The following SCCPDH variants were observed in gnomAD, a reference collection of about 807,000 sequenced individuals.
SCCPDH encodes saccharopine dehydrogenase-like oxidoreductase.
SCCPDH carries 34 observed loss-of-function variants against 51.5 expected under a neutral mutation model. That is an observed-to-expected ratio of 0.66 (90% confidence interval 0.50 to 0.88). The LOEUF (loss-of-function observed/expected upper bound fraction) is 0.88, where lower values mean the gene tolerates loss of function less well. SCCPDH is among the 40% of genes least tolerant of loss of function. The pLI, the probability that SCCPDH is intolerant of heterozygous loss-of-function variation, is 0.00. For synonymous variants in SCCPDH, 187 were observed against 191.3 expected (o/e 0.98, Z 0.19); for missense variants, 464 against 527.1 (o/e 0.88, Z 1.17).
At chr1:246,745,045 A>T (rs1000588255) in intron 5 of SCCPDH, among the ~76,000 whole-genome samples, 1 of 152,182 alleles carries the variant, frequency 6.6e-6, no homozygotes, top group African/African-American at 2.4e-5. Flanking sequence ...GGCCAGGAAA[A>T]TTTTCACCTT....
chr1:246,754,847 T>C (rs994850101), intron 5 of SCCPDH, among the ~76,000 whole-genome samples: 2 of 152,246 alleles, frequency 1.3e-5, no homozygotes, highest in Admixed American at 1.3e-4. Flanking sequence ...TTTTTTGGTC[T>C]GTCTAGCCAA....
intron 5 of SCCPDH, among the ~76,000 whole-genome samples, chr1:246,752,306 G>A (rs1389498995): frequency 6.6e-6 from 1 of 152,142 alleles, no homozygotes. Context: ...GTGCAGATGA[G>A]GTCTGGCTTC....
intron 1 of SCCPDH, among the ~76,000 whole-genome samples, chr1:246,724,900 C>T (rs1209649906): frequency 6.6e-6 from 1 of 152,138 alleles, no homozygotes; most frequent in African/African-American, 2.4e-5. Flanking sequence ...GGGAGCTCCC[C>T]TGGCGAAATG....
At chr1:246,739,463 G>A (rs1376169255) in intron 3 of SCCPDH, among the ~76,000 whole-genome samples, 1 of 152,154 alleles carries the variant, frequency 6.6e-6, no homozygotes, top group African/African-American at 2.4e-5. Context: ...GCCAAAAGAA[G>A]CCGAAGGAGA....
At chr1:246,758,557 T>A (rs1054034797) in intron 6 of SCCPDH, among the ~76,000 whole-genome samples, 3 of 152,192 alleles carry the variant, frequency 2.0e-5, no homozygotes, top group Non-Finnish European at 4.4e-5. Flanking sequence ...TCCATTACCA[T>A]AAGCTTAAGA....
rs545363439 is a variant in SCCPDH, at chr1:246,767,790, T to G, written c.*490T>G. 1 of 152,372 alleles carries G rather than the reference T, an allele frequency of 6.6e-6. No homozygotes were observed. Among genetic ancestry groups the G allele is most frequent in the East Asian group, 1.9e-4 (1 of 5,192 alleles). The allele number at this position is 152,372 out of a possible 1,614,324, so 9.4% of individuals were successfully genotyped here. ...AGTTTTTCGCCAATCTACACTGATT[T>G]TGGACTGTTACCTAAGTTGAAAAAT... On this transcript the variant is annotated 3_prime_UTR_variant, in exon 12 of 12. Transcript: ENST00000366510.
At chr1:246,724,644 G>A in intron 1 of SCCPDH, 32 bp downstream of exon 1, 2 of 1,429,930 alleles carry the variant, frequency 1.4e-6, no homozygotes, top group Non-Finnish European at 1.8e-6. Flanking sequence ...GGGCTGCGCG[G>A]GCGGCTGGGC....
chr1:246,727,294 A>G (rs2102978860), intron 2 of SCCPDH, among the ~76,000 whole-genome samples: 1 of 152,324 alleles, frequency 6.6e-6, no homozygotes, highest in East Asian at 1.9e-4. Context: ...CCCCTTCGGT[A>G]AAAAATGTTT....
intron 1 of SCCPDH, among the ~76,000 whole-genome samples, chr1:246,725,481 A>G (rs958257812): frequency 1.4e-5 from 2 of 145,736 alleles, no homozygotes; most frequent in Non-Finnish European, 3.0e-5. Flanking sequence ...AAATTTGGCT[A>G]TTAACTCCCG....
chr1:246,748,983 A>G (rs113123662), intron 5 of SCCPDH, among the ~76,000 whole-genome samples: 136 of 152,336 alleles, frequency 8.9e-4, no homozygotes, highest in Middle Eastern at 3.4e-3. Flanking sequence ...TCTCCAAGGA[A>G]TGCTAACTTT....
intron 2 of SCCPDH, 42 bp downstream of exon 2, chr1:246,727,046 T>C (rs1382124760): frequency 7.9e-6 from 11 of 1,386,552 alleles, no homozygotes; most frequent in Non-Finnish European, 1.0e-5. Context: ...AAACAATCCA[T>C]TCATTTCTAG....
At chr1:246,753,001 C>G (rs1467587885) in intron 5 of SCCPDH, among the ~76,000 whole-genome samples, 1 of 151,908 alleles carries the variant, frequency 6.6e-6, no homozygotes, top group Non-Finnish European at 1.5e-5. Context: ...CTCTCTGTCT[C>G]TTTCTCTCTC....
intron 7 of SCCPDH, 138 bp downstream of exon 7, chr1:246,759,289 A>G (rs995668391): frequency 1.8e-5 from 11 of 617,478 alleles, no homozygotes; most frequent in South Asian, 3.9e-5. Flanking sequence ...AATACACAGA[A>G]TCATTAGGGT....
At chr1:246,749,185 C>T (rs535330538) in intron 5 of SCCPDH, among the ~76,000 whole-genome samples, 1 of 152,290 alleles carries the variant, frequency 6.6e-6, no homozygotes, top group Admixed American at 6.5e-5. Flanking sequence ...AGAGAACCAC[C>T]CAGGTGGAAA....
At chr1:246,760,563 C>G (rs963946328) in intron 9 of SCCPDH, among the ~76,000 whole-genome samples, 1 of 152,228 alleles carries the variant, frequency 6.6e-6, no homozygotes, top group African/African-American at 2.4e-5. Context: ...CTCCATTTTT[C>G]TCCTCTGTTA....
At chr1:246,760,338 T>C in intron 9 of SCCPDH, 111 bp downstream of exon 9, 1 of 878,002 alleles carries the variant, frequency 1.1e-6, no homozygotes, top group Non-Finnish European at 1.8e-6. Context: ...AAGTTCTTTA[T>C]GTAAATTAGA....
At chr1:246,763,650 TC>T (rs959517365) in intron 9 of SCCPDH, among the ~76,000 whole-genome samples, 27 of 151,838 alleles carry the variant, frequency 1.8e-4, no homozygotes, top group Admixed American at 6.6e-5. Context: ...TATCTCTCTC[TC>T]CCCCCCTTTC....
chr1:246,762,345 G>A (rs1180917989), intron 9 of SCCPDH, among the ~76,000 whole-genome samples: 1 of 152,140 alleles, frequency 6.6e-6, no homozygotes, highest in Non-Finnish European at 1.5e-5. Context: ...GGATAGTGCA[G>A]GCTTCTGTCT....
In SCCPDH at chr1:246,724,709, G is replaced by T. The variant is rs185443692; in HGVS notation, c.190+97G>T. ...TTTCTCCCGCAGGGATGCGCCCTAC[G>T]TGTCCCCGAGCCCTGCGTGAGGACA... On this transcript the variant is annotated intron_variant, in intron 1 of 11. Transcript: ENST00000366510. 451 of 1,103,074 alleles carry T rather than the reference G, an allele frequency of 4.1e-4. 2 individuals carry two copies. The African/African-American group carries it at 6.8e-3, about 17-fold the overall frequency. 68.3% of individuals were successfully genotyped at this position (1,103,074 alleles called of 1,614,324 possible).
Sources: gnomAD v4.1 joint callset for allele counts (sites outside exome capture counted in the v4.1 genomes callset) on GRCh38, gnomAD v4.1.1 for gene constraint, MANE v1.5 for transcripts, NCBI Gene and HGNC (gene_info 2026-07-23, HGNC 2026-07-21) for gene names.